CECR2: variants seen among roughly 807,000 people sequenced by gnomAD.
CECR2 encodes chromatin remodeling regulator CECR2.
A neutral mutation model predicts 154.5 loss-of-function variants in CECR2; 30 were observed. That is an observed-to-expected ratio of 0.19 (90% CI 0.15 to 0.26). The LOEUF is 0.26. CECR2 is among the 10% of genes least tolerant of loss of function. CECR2 has a pLI of 1.00. For synonymous variants in CECR2, 725 were observed against 683.7 expected, an observed-to-expected ratio of 1.06 and a Z score of -0.94; for missense variants, 1,743 against 1,829.3, an observed-to-expected ratio of 0.95 and a Z score of 0.86.
chr22:17,401,492 C>T (rs2053890858), intron 1 of CECR2, among the ~76,000 whole-genome samples: 1 of 151,836 alleles, frequency 6.6e-6, no homozygotes, highest in Admixed American at 6.6e-5. Flanking sequence ...ACCTGTGTTT[C>T]TCTCAGGGTG....
Position 17,541,946 on chromosome 22 carries a change from G to T in CECR2, c.1992G>T (p.Gln664His). The T allele has an allele frequency of 6.2e-7, 1 of 1,613,862 alleles. No individual in the cohort carries two copies. The highest frequency in any genetic ancestry group is 8.5e-7 in the Non-Finnish European group (1 of 1,179,824). ...CACACCCCGGGGAGCCTGTGCAGCA[G>T]CGTCAGCCTTTCACCATGCAGGTAA... ...PEPHPGEPVQQRQPFTMQPPV... is the reference protein window; with the variant it reads ...PEPHPGEPVQHRQPFTMQPPV... Residue 664 changes from glutamine (Q) to histidine (H), a missense_variant, in exon 15 of 19, where the codon CAG (glutamine) becomes CAT (histidine). Transcript: ENST00000262608.
intron 1 of CECR2, among the ~76,000 whole-genome samples, chr22:17,375,530 T>TATAA (rs2063108567): frequency 6.6e-6 from 1 of 152,138 alleles, no homozygotes; most frequent in African/African-American, 2.4e-5. Context: ...AGACAATGTA[T>TATAA]ATAATGTCAA....
At chr22:17,419,032 G>C (rs993166788) in intron 1 of CECR2, 1 of 164,604 alleles carries the variant, frequency 6.1e-6, no homozygotes. Context: ...CAAGGGCACC[G>C]CGGAGGCGCC....
chr22:17,531,727 A>T (rs150983810), intron 9 of CECR2, among the ~76,000 whole-genome samples: 1 of 152,222 alleles, frequency 6.6e-6, no homozygotes, highest in African/African-American at 2.4e-5. Flanking sequence ...AAGAGATATA[A>T]ACTGGATATA....
At chr22:17,364,342 C>CAAAAAAAAAAAAA (rs59134897) in intron 1 of CECR2, among the ~76,000 whole-genome samples, 5 of 52,942 alleles carry the variant, frequency 9.4e-5, no homozygotes, top group Admixed American at 5.0e-4. Flanking sequence ...GACTCTGTCT[C>CAAAAAAAAAAAAA]AAAAAAAAAA....
chr22:17,379,454 C>T (rs1343020275), intron 1 of CECR2, among the ~76,000 whole-genome samples: 3 of 152,086 alleles, frequency 2.0e-5, no homozygotes, highest in Admixed American at 6.5e-5. Flanking sequence ...CAGCCTGGGG[C>T]TGGAGCGGCT....
chr22:17,485,704 G>A (rs1481225052), intron 2 of CECR2, among the ~76,000 whole-genome samples: 1 of 152,168 alleles, frequency 6.6e-6, no homozygotes, highest in Non-Finnish European at 1.5e-5. Flanking sequence ...AGCCCAGGAG[G>A]CGGAGGTTGC....
At position 17,414,894 on chromosome 22, in the gene CECR2, G is replaced by A. The variant is rs116846430; in HGVS notation, c.126+44985G>A. Among the ~76,000 whole-genome samples, 1,164 of 152,226 alleles carry A rather than the reference G, an allele frequency of 7.6e-3. 53 individuals are homozygous for A. The East Asian group carries it at 0.13, about 18-fold the overall frequency. On this transcript the variant is annotated intron_variant, in intron 1 of 18. Transcript: ENST00000262608. ...CCTTTCTTAGTGGTGTACCTGTTTG[G>A]GGGCATGCTTACATGTTTAAGGCAT...
In CECR2 at chr22:17,549,573, GC is replaced by G; in HGVS notation, c.4277+10del. On this transcript the variant is annotated intron_variant, in intron 17 of 18. Transcript: ENST00000262608. ...ATGTACAGACCATCAGGGTAAGATT[GC>G]ATTCAGGCTTTTCCCCCTAAAGAGA... The G allele has an allele frequency of 6.4e-7, 1 of 1,551,294 alleles. No homozygotes were observed. The highest frequency in any genetic ancestry group is 2.3e-5 in the East Asian group (1 of 42,902).
chr22:17,372,499 C>T (rs2063072646), intron 1 of CECR2, among the ~76,000 whole-genome samples: 1 of 152,000 alleles, frequency 6.6e-6, no homozygotes, highest in Non-Finnish European at 1.5e-5. Context: ...AACCCCGTTT[C>T]TACTAAAAAT....
chr22:17,448,999 C>G (rs1050925971), intron 1 of CECR2, among the ~76,000 whole-genome samples: 1 of 152,016 alleles, frequency 6.6e-6, no homozygotes, highest in Non-Finnish European at 1.5e-5. Context: ...TTGCCTCAGC[C>G]TCCCGAGTAG....
intron 1 of CECR2, among the ~76,000 whole-genome samples, chr22:17,437,072 C>A (rs10460749): frequency 0.054 from 8,217 of 152,168 alleles, 474 homozygotes; most frequent in East Asian, 0.23. Flanking sequence ...TCTCTTGCTG[C>A]AGTCTGATGA....
At chr22:17,513,269 A>G (rs1475654425) in intron 8 of CECR2, among the ~76,000 whole-genome samples, 1 of 152,114 alleles carries the variant, frequency 6.6e-6, no homozygotes, top group African/African-American at 2.4e-5. Context: ...TCCTTTGGGC[A>G]CTCTTTCATC....
At chr22:17,391,888 G>A (rs116243267) in intron 1 of CECR2, among the ~76,000 whole-genome samples, 7,692 of 152,192 alleles carry the variant, frequency 0.051, 291 homozygotes, top group African/African-American at 0.11. Context: ...TGTAACTTCC[G>A]TCTCCCAGGT....
intron 9 of CECR2, among the ~76,000 whole-genome samples, chr22:17,532,697 A>ATTTTTTTTTTTT (rs1158636788): frequency 3.4e-5 from 1 of 29,366 alleles, no homozygotes; most frequent in Non-Finnish European, 7.2e-5. Flanking sequence ...ATTCATTATT[A>ATTTTTTTTTTTT]TTCTTTTTTT....
rs1378138604 is a variant in CECR2, at chr22:17,553,364, T to C, written c.*524T>C. 2 of 82,312 alleles carry C rather than the reference T, an allele frequency of 2.4e-5. No homozygotes were observed. The highest frequency in any genetic ancestry group is 7.6e-4 in the South Asian group (2 of 2,638). 5.1% of individuals were successfully genotyped at this position (82,312 alleles called of 1,614,324 possible). A position where few individuals can be genotyped will look rare whatever the true frequency, so the allele number is the denominator to read the frequency against. On this transcript the variant is annotated 3_prime_UTR_variant, in exon 19 of 19. Transcript: ENST00000262608. ...TTGTACATAAAGTGGGAAGGGTGGG[T>C]GGGGATGCGGAAGAAATGGGGGTCC... is the stretch of plus-strand genomic sequence containing the variant.
chr22:17,443,571 C>T (rs1205085764), intron 1 of CECR2, among the ~76,000 whole-genome samples: 2 of 152,116 alleles, frequency 1.3e-5, no homozygotes, highest in Non-Finnish European at 2.9e-5. Flanking sequence ...AAAAAAGTTA[C>T]TGCTTAAAAT....
At chr22:17,495,805 T>C (rs1242241386) in intron 2 of CECR2, among the ~76,000 whole-genome samples, 1 of 131,964 alleles carries the variant, frequency 7.6e-6, no homozygotes, top group Admixed American at 9.7e-5. Flanking sequence ...GAGCTTGCAG[T>C]GAGCCAAGAT....
At chr22:17,484,622 C>T (rs1471191346) in intron 2 of CECR2, among the ~76,000 whole-genome samples, 2 of 151,958 alleles carry the variant, frequency 1.3e-5, no homozygotes, top group African/African-American at 4.8e-5. Context: ...TAAAGGAGGT[C>T]TGGCGCAACG....
Sources: allele counts gnomAD v4.1 joint callset (sites outside exome capture counted in the v4.1 genomes callset), GRCh38; gene constraint gnomAD v4.1.1; transcripts MANE v1.5; gene names NCBI Gene and HGNC (gene_info 2026-07-23, HGNC 2026-07-21).